PCDH11X: variants seen among roughly 807,000 people sequenced by gnomAD.
PCDH11X encodes the protein protocadherin 11 X-linked, also known as protocadherin-11 X-linked.
PCDH11X carries 18 observed loss-of-function variants against 53.3 expected under a neutral mutation model. The observed-to-expected ratio is 0.34, with a 90% CI of 0.23 to 0.50. PCDH11X has a LOEUF of 0.50. Among genes scored for constraint, PCDH11X ranks in the 20% least tolerant of loss-of-function variants. The pLI, the probability that PCDH11X is intolerant of heterozygous loss-of-function variation, is 0.98. For synonymous variants in PCDH11X, 279 were observed against 393.3 expected (o/e 0.71, Z 3.44); for missense variants, 570 against 1,032.4 (o/e 0.55, Z 6.14).
chrX:92,532,324 G>T (rs35117843), intron 10 of PCDH11X, among the ~76,000 whole-genome samples: 5 of 111,107 alleles, frequency 4.5e-5, no homozygotes, highest in Non-Finnish European at 7.6e-5. Flanking sequence ...TGGTTCTAAG[G>T]TTCCTTCATT....
intron 6 of PCDH11X, among the ~76,000 whole-genome samples, chrX:92,137,213 A>G (rs2065097882): frequency 9.0e-6 from 1 of 111,075 alleles, no homozygotes; most frequent in African/African-American, 3.3e-5. Context: ...ATACATATAC[A>G]CACATACCAT....
At chrX:92,300,823 TC>T (rs745556774) in intron 8 of PCDH11X, among the ~76,000 whole-genome samples, 17 of 111,715 alleles carry the variant, frequency 1.5e-4, no homozygotes, top group African/African-American at 5.5e-4. Context: ...TTCTTTGACA[TC>T]CTTGGGGGTT....
chrX:92,449,637 C>T (rs769361768), intron 9 of PCDH11X, among the ~76,000 whole-genome samples: 18 of 111,441 alleles, frequency 1.6e-4, no homozygotes, highest in African/African-American at 5.2e-4. Flanking sequence ...CACACAGTAT[C>T]GTGATTATAT....
chrX:92,131,048 C>T (rs2064963233), intron 6 of PCDH11X, among the ~76,000 whole-genome samples: 1 of 110,746 alleles, frequency 9.0e-6, no homozygotes, highest in Admixed American at 9.7e-5. Context: ...GGGTACAAAA[C>T]ACATTACCAC....
intron 6 of PCDH11X, among the ~76,000 whole-genome samples, chrX:91,935,497 A>T (rs1241814664): frequency 9.0e-6 from 1 of 110,844 alleles, no homozygotes; most frequent in Non-Finnish European, 1.9e-5. Context: ...TAATTTAACG[A>T]TACACTTTTC....
intron 6 of PCDH11X, chrX:91,883,199 T>C (rs757315409): frequency 3.3e-6 from 3 of 916,346 alleles, no homozygotes; most frequent in East Asian, 6.5e-5. Flanking sequence ...TGTTTCTCTG[T>C]TTGCTCTGAA....
chrX:92,053,129 AT>A (rs1418642069), intron 6 of PCDH11X, among the ~76,000 whole-genome samples: 1 of 111,934 alleles, frequency 8.9e-6, no homozygotes, highest in Non-Finnish European at 1.9e-5. Context: ...TATCATATAA[AT>A]TTAGAAAGTT....
At chrX:92,203,438 A>G in intron 7 of PCDH11X, among the ~76,000 whole-genome samples, 1 of 112,675 alleles carries the variant, frequency 8.9e-6, no homozygotes, top group Non-Finnish European at 1.9e-5. Flanking sequence ...TTAATATTAT[A>G]AAGGTAAATC....
chrX:92,206,604 G>T lies in PCDH11X; in HGVS notation c.3114+5149G>T, dbSNP rs951243295. ...GGCAAGGCCACTGTCTCGGCTCACT[G>T]TAACCTCTGCCCCCTGAGTTCAAGT... On this transcript the variant is annotated intron_variant, in intron 7 of 10. Transcript: ENST00000682573. Among the ~76,000 whole-genome samples the T allele has an allele frequency of 3.6e-5, 4 of 110,800 alleles. No homozygotes were observed. In the South Asian group the frequency reaches 1.5e-3, roughly 43 times the overall value.
intron 5 of PCDH11X, among the ~76,000 whole-genome samples, chrX:91,872,340 A>C (rs1194228478): frequency 9.5e-6 from 1 of 105,269 alleles, no homozygotes; most frequent in Non-Finnish European, 2.0e-5. Context: ...AAAAAAAAAA[A>C]CCCAAGTCAA....
chrX:91,943,237 AC>A (rs1293731280), intron 6 of PCDH11X, among the ~76,000 whole-genome samples: 3 of 100,915 alleles, frequency 3.0e-5, no homozygotes, highest in Admixed American at 1.1e-4. Context: ...CCAAGTGTGA[AC>A]CCAAATGCAA....
At position 92,171,511 on chromosome X, in the gene PCDH11X, G is replaced by A. The variant is rs751094152; in HGVS notation, c.3034-29864G>A. 3.3e-4 allele frequency among the ~76,000 whole-genome samples: 37 copies of A among 111,022 alleles called. 1 individual carries two copies. The highest frequency in any genetic ancestry group is 1.0e-3 in the African/African-American group (32 of 30,554). ...TTGAGTCTTAGTTGCTCAGGCTGGC[G>A]TGCAGTAGTGTGATCTCAGCTCACT... is the stretch of plus-strand genomic sequence containing the variant. On this transcript the variant is annotated intron_variant, in intron 6 of 10. Coordinates refer to ENST00000682573, the MANE Select transcript of PCDH11X (RefSeq NM_032968.5).
intron 9 of PCDH11X, among the ~76,000 whole-genome samples, chrX:92,425,565 C>T (rs937142573): frequency 2.8e-4 from 31 of 109,841 alleles, no homozygotes; most frequent in Admixed American, 2.5e-3. Flanking sequence ...GTTTGTCGTG[C>T]CTTTTTCTCA....
intron 10 of PCDH11X, among the ~76,000 whole-genome samples, chrX:92,540,579 A>C (rs191638095): frequency 9.8e-6 from 1 of 102,264 alleles, no homozygotes; most frequent in African/African-American, 3.6e-5. Context: ...TCTAGTGTGC[A>C]AAACAAAGTC....
At chrX:91,865,963 G>A (rs927917472) in intron 5 of PCDH11X, among the ~76,000 whole-genome samples, 20 of 109,072 alleles carry the variant, frequency 1.8e-4, no homozygotes, top group Non-Finnish European at 3.1e-4. Context: ...TGGAATTGAG[G>A]ACCCCAAAAG....
chrX:92,388,254 G>A (rs2071053325), intron 9 of PCDH11X, among the ~76,000 whole-genome samples: 1 of 110,984 alleles, frequency 9.0e-6, no homozygotes, highest in Non-Finnish European at 1.9e-5. Flanking sequence ...ATTTATTTGT[G>A]AAGGTATAAA....
At chrX:92,110,435 G>A (rs1411230471) in intron 6 of PCDH11X, among the ~76,000 whole-genome samples, 1 of 107,775 alleles carries the variant, frequency 9.3e-6, no homozygotes, top group Non-Finnish European at 1.9e-5. Context: ...AATTAAGGAT[G>A]CACCCGGGAG....
chrX:92,584,714 G>A (rs1311696881), intron 10 of PCDH11X, among the ~76,000 whole-genome samples: 4 of 105,619 alleles, frequency 3.8e-5, no homozygotes, highest in Non-Finnish European at 7.7e-5. Flanking sequence ...TTCTACATAA[G>A]TTGTTTTCAA....
chrX:92,497,102 C>T (rs5984967), intron 10 of PCDH11X, among the ~76,000 whole-genome samples: 31,936 of 110,260 alleles, frequency 0.29, 3,953 homozygotes, highest in Non-Finnish European at 0.37. Context: ...GTTCCAAATA[C>T]AGCAAGGGCA....
Sources: allele counts gnomAD v4.1 joint callset (sites outside exome capture counted in the v4.1 genomes callset), GRCh38; gene constraint gnomAD v4.1.1; transcripts MANE v1.5; gene names NCBI Gene and HGNC (gene_info 2026-07-23, HGNC 2026-07-21).